Variants in C19orf38 observed in about 807,000 individuals in gnomAD.
C19orf38 encodes the protein chromosome 19 open reading frame 38, also known as protein HIDE1.
In C19orf38, 14 loss-of-function variants were observed where a neutral mutation model predicts 26.6. The observed-to-expected ratio is 0.53, with a 90% confidence interval of 0.35 to 0.82. The LOEUF (loss-of-function observed/expected upper bound fraction) is 0.82. C19orf38 is among the 40% of genes least tolerant of loss of function. The pLI is 0.01. For synonymous variants in C19orf38, 132 were observed against 128.5 expected (o/e 1.03, Z -0.18); for missense variants, 261 against 299.5 (o/e 0.87, Z 0.95).
intron 1 of C19orf38, among the ~76,000 whole-genome samples, chr19:10,849,895 T>C (rs2073552064): frequency 1.3e-5 from 2 of 151,444 alleles, no homozygotes; most frequent in South Asian, 4.2e-4. Flanking sequence ...TGAAACCCCA[T>C]CTCTACTAAA....
chr19:10,857,851 A>G (rs1304683214), intron 3 of C19orf38, among the ~76,000 whole-genome samples: 1 of 151,224 alleles, frequency 6.6e-6, no homozygotes, highest in Non-Finnish European at 1.5e-5. Context: ...ACTGCACTCC[A>G]GCCTGGGCGA....
chr19:10,840,105 C>T lies in C19orf38; in HGVS notation c.-69+3335C>T, dbSNP rs147184395. ...CTATTGTGAGTACAGCTGCTGTTAACATGTATGTATGTGTATTTTATTACT... is the reference window on the plus strand; with the variant it reads ...CTATTGTGAGTACAGCTGCTGTTAATATGTATGTATGTGTATTTTATTACT... On this transcript the variant is annotated intron_variant, in intron 1 of 7. Transcript: ENST00000592854. Among the ~76,000 whole-genome samples the T allele has an allele frequency of 3.8e-3, 577 of 152,272 alleles. 3 individuals carry two copies. Among genetic ancestry groups the T allele is most frequent in the African/African-American group, 0.013 (527 of 41,546 alleles).
chr19:10,852,997 G>C (rs1324288283), intron 2 of C19orf38, among the ~76,000 whole-genome samples: 2 of 150,478 alleles, frequency 1.3e-5, no homozygotes, highest in African/African-American at 4.9e-5. Context: ...GATTCCTTGA[G>C]CCAAGGAGTT....
intron 6 of C19orf38, among the ~76,000 whole-genome samples, chr19:10,865,567 G>A (rs1024463034): frequency 5.9e-5 from 9 of 152,094 alleles, no homozygotes; most frequent in Admixed American, 1.3e-4. Context: ...GGGAGGTTGA[G>A]TCTGCAGTGA....
At chr19:10,859,373 TATATATATATA>T (rs1460799950) in intron 4 of C19orf38, among the ~76,000 whole-genome samples, 130 of 42,402 alleles carry the variant, frequency 3.1e-3, no homozygotes, top group African/African-American at 5.9e-3. Context: ...TATATATATA[TATATATATATA>T]TTTTTTTTTT....
chr19:10,853,887 C>T (rs997509050), intron 2 of C19orf38, among the ~76,000 whole-genome samples: 1 of 150,800 alleles, frequency 6.6e-6, no homozygotes, highest in Non-Finnish European at 1.5e-5. Flanking sequence ...TGAGCTACCC[C>T]GTCCGGCTAA....
Position 10,850,382 on chromosome 19 carries a change from A to G in C19orf38, c.155A>G (p.Tyr52Cys), listed in dbSNP as rs903735327. 3.4e-5 allele frequency: 52 copies of G among 1,550,878 alleles called. No individual in the cohort carries two copies. Among genetic ancestry groups the G allele is most frequent in the Non-Finnish European group, 4.5e-5 (52 of 1,146,698 alleles). Residue 52 changes from tyrosine (Y) to cysteine (C), a missense_variant, in exon 2 of 7, where the codon TAT becomes TGT. By Grantham distance (194) the Tyr-to-Cys change is radical. Coordinates refer to ENST00000397820, the MANE Select transcript of C19orf38 (RefSeq NM_001136482.3). ...TTCCCGGGGGCGAATTTCACACTGTATCGAGGGGGGCAGGTGGTCCAGCTC... is the reference window on the plus strand; with the variant it reads ...TTCCCGGGGGCGAATTTCACACTGTGTCGAGGGGGGCAGGTGGTCCAGCTC... ...GNFPGANFTL[Y>C]RGGQVVQLLQ...
chr19:10,858,226 TAAAAAAAA>T (rs371026775), intron 3 of C19orf38, 82 bp from the exon 4 acceptor site: 6 of 321,614 alleles, frequency 1.9e-5, no homozygotes, highest in African/African-American at 1.2e-4. Context: ...AGACTCTGTC[TAAAAAAAA>T]AAAAAAAAAA....
chr19:10,859,511 T>C (rs1345054896), intron 4 of C19orf38, among the ~76,000 whole-genome samples: 2 of 149,476 alleles, frequency 1.3e-5, no homozygotes, highest in African/African-American at 4.9e-5. Flanking sequence ...GACTCCTGAG[T>C]AGCTGGGACT....
At chr19:10,837,503 C>CTTTTTTTTTTTTTT (rs958209460) in intron 1 of C19orf38, among the ~76,000 whole-genome samples, 3 of 93,634 alleles carry the variant, frequency 3.2e-5, no homozygotes, top group Non-Finnish European at 4.4e-5. Flanking sequence ...TTTTTTTTTC[C>CTTTTTTTTTTTTTT]TTTTTTTTTT....
chr19:10,853,321 G>A (rs1409195202), intron 2 of C19orf38, among the ~76,000 whole-genome samples: 4 of 151,424 alleles, frequency 2.6e-5, no homozygotes, highest in African/African-American at 7.3e-5. Context: ...CTCTACCTCC[G>A]AGGTTCAAGC....
intron 2 of C19orf38, among the ~76,000 whole-genome samples, chr19:10,855,323 G>A (rs904227764): frequency 1.1e-4 from 17 of 151,854 alleles, no homozygotes; most frequent in African/African-American, 3.1e-4. Flanking sequence ...GTGAGCCACC[G>A]TGCCCAGCCA....
chr19:10,837,700 G>A (rs1000966057), intron 1 of C19orf38, among the ~76,000 whole-genome samples: 1 of 151,244 alleles, frequency 6.6e-6, no homozygotes. Flanking sequence ...GTAGAGAGGG[G>A]GTTTCACCAT....
intron 2 of C19orf38, 129 bp downstream of exon 2, chr19:10,850,696 T>A: frequency 2.9e-6 from 3 of 1,023,168 alleles, no homozygotes; most frequent in Non-Finnish European, 4.2e-6. Context: ...CTTACTCGCC[T>A]TTCCTTTTTC....
At chr19:10,857,894 AAAAGAAAGAAAGAAAGAAAG>A (rs111685154) in intron 3 of C19orf38, among the ~76,000 whole-genome samples, 10 of 142,404 alleles carry the variant, frequency 7.0e-5, no homozygotes, top group South Asian at 2.3e-4. Flanking sequence ...AAACAACAAA[AAAAGAAAGAAAGAAAGAAAG>A]AAAGAAAGAA....
intron 2 of C19orf38, 82 bp downstream of exon 2, chr19:10,850,649 C>A: frequency 7.0e-7 from 1 of 1,433,028 alleles, no homozygotes; most frequent in Non-Finnish European, 9.5e-7. Flanking sequence ...GACTCAGAGG[C>A]CTTCCCAGAA....
chr19:10,848,604 G>C, intron 1 of C19orf38, 65 bp downstream of exon 1: 2 of 1,467,934 alleles, frequency 1.4e-6, no homozygotes, highest in Non-Finnish European at 1.9e-6. Flanking sequence ...CCACCTTGCC[G>C]CTCCAGGGGC....
chr19:10,867,655 T>C (rs985939618), intron 6 of C19orf38, among the ~76,000 whole-genome samples: 1 of 128,724 alleles, frequency 7.8e-6, no homozygotes, highest in Admixed American at 7.6e-5. Flanking sequence ...TTTTTTTTTT[T>C]TTTTTTTTTT....
At chr19:10,854,256 G>T (rs2073602605) in intron 2 of C19orf38, among the ~76,000 whole-genome samples, 1 of 151,758 alleles carries the variant, frequency 6.6e-6, no homozygotes, top group Admixed American at 6.6e-5. Context: ...TAGAGATGGG[G>T]TTTCACCATG....
Sources: gnomAD v4.1 joint callset for allele counts (sites outside exome capture counted in the v4.1 genomes callset) on GRCh38, gnomAD v4.1.1 for gene constraint, MANE v1.5 for transcripts, NCBI Gene and HGNC (gene_info 2026-07-23, HGNC 2026-07-21) for gene names.